Variants in NUBPL observed in about 807,000 individuals in gnomAD.
NUBPL encodes the protein NUBP iron-sulfur cluster assembly factor, mitochondrial.
In NUBPL, 31 loss-of-function variants were observed where a neutral mutation model predicts 45.7. The observed-to-expected ratio is 0.68, with a 90% CI of 0.51 to 0.92. The LOEUF (loss-of-function observed/expected upper bound fraction) is 0.92. Among genes scored for constraint, NUBPL ranks in the 40% least tolerant of loss-of-function variants. The pLI, the probability that NUBPL is intolerant of heterozygous loss-of-function variation, is 0.00. For missense variants in NUBPL, 401 were observed against 398.7 expected, an observed-to-expected ratio of 1.01 and a Z score of -0.05; for synonymous variants, 144 against 140.9, an observed-to-expected ratio of 1.02 and a Z score of -0.15.
At chr14:31,783,012 T>A (rs1394330967) in intron 6 of NUBPL, among the ~76,000 whole-genome samples, 1 of 152,142 alleles carries the variant, frequency 6.6e-6, no homozygotes, top group Non-Finnish European at 1.5e-5. Context: ...ACCAAACCAA[T>A]TGGGTCAGTT....
At chr14:31,851,202 T>G (rs2040532519) in intron 10 of NUBPL, among the ~76,000 whole-genome samples, 1 of 151,954 alleles carries the variant, frequency 6.6e-6, no homozygotes, top group South Asian at 2.1e-4. Flanking sequence ...GTTCCTTTGT[T>G]GAACAGCCCC....
chr14:31,566,298 A>T (rs191609047), intron 3 of NUBPL, among the ~76,000 whole-genome samples: 3 of 152,270 alleles, frequency 2.0e-5, no homozygotes, highest in Non-Finnish European at 4.4e-5. Context: ...ATTGGAAACT[A>T]ATAAACAAGA....
chr14:31,640,237 G>A (rs771839865), intron 4 of NUBPL, among the ~76,000 whole-genome samples: 2 of 151,958 alleles, frequency 1.3e-5, no homozygotes, highest in Non-Finnish European at 2.9e-5. Flanking sequence ...GCTGCCCTCC[G>A]ACAAAATCAG....
chr14:31,709,760 C>G (rs1346951802), intron 6 of NUBPL, among the ~76,000 whole-genome samples: 2 of 152,162 alleles, frequency 1.3e-5, no homozygotes, highest in African/African-American at 4.8e-5. Flanking sequence ...TTCCCCTCCC[C>G]CTACAGCTTG....
chr14:31,604,459 G>A (rs4981862), intron 4 of NUBPL, among the ~76,000 whole-genome samples: 151,693 of 152,326 alleles, frequency 1, 75,534 homozygotes, highest in Middle Eastern at 1. Context: ...ACTATGAAAG[G>A]CTTGTTTCCA....
rs562507359 is a variant in NUBPL at position 31,784,159 on chromosome 14, G to T, written c.514-3621G>T. 1.7e-4 allele frequency among the ~76,000 whole-genome samples: 26 copies of T among 152,240 alleles called. No individual in the cohort carries two copies. In the South Asian group the frequency reaches 5.4e-3, roughly 32 times the overall value. ...CTCTGAAGTTAAAAGTTAAGGTCTT[G>T]CATATAGGAAGAAAACAAAGAAATT... On this transcript the variant is annotated intron_variant, in intron 6 of 10. Transcript: ENST00000281081.
At chr14:31,697,992 G>A (rs1219767823) in intron 6 of NUBPL, among the ~76,000 whole-genome samples, 2 of 152,210 alleles carry the variant, frequency 1.3e-5, no homozygotes, top group Non-Finnish European at 2.9e-5. Flanking sequence ...TCCCAAGCAG[G>A]CGATGAGAAG....
At chr14:31,639,549 G>A (rs970028146) in intron 4 of NUBPL, among the ~76,000 whole-genome samples, 1 of 152,202 alleles carries the variant, frequency 6.6e-6, no homozygotes, top group African/African-American at 2.4e-5. Context: ...ACCCACTTGA[G>A]GAGGCAGTCT....
intron 8 of NUBPL, among the ~76,000 whole-genome samples, chr14:31,839,494 C>A (rs1170396408): frequency 2.6e-5 from 4 of 152,058 alleles, no homozygotes; most frequent in Non-Finnish European, 5.9e-5. Flanking sequence ...CATGTAAGAC[C>A]TGAAACTATG....
chr14:31,638,583 C>G (rs1387316618), intron 4 of NUBPL, among the ~76,000 whole-genome samples: 13 of 152,030 alleles, frequency 8.6e-5, no homozygotes, highest in Non-Finnish European at 4.4e-5. Context: ...TTGCTCTTCT[C>G]GAGGAGTATC....
At chr14:31,623,803 AC>A (rs2035133368) in intron 4 of NUBPL, among the ~76,000 whole-genome samples, 1 of 152,200 alleles carries the variant, frequency 6.6e-6, no homozygotes, top group Non-Finnish European at 1.5e-5. Flanking sequence ...TAAAAGTTGC[AC>A]AATGTAAGCT....
intron 6 of NUBPL, among the ~76,000 whole-genome samples, chr14:31,750,374 T>A (rs1021199544): frequency 8.7e-5 from 13 of 149,556 alleles, no homozygotes; most frequent in East Asian, 3.9e-4. Flanking sequence ...TTATTTTTTT[T>A]ATTTTTTTTT....
chr14:31,652,231 G>A (rs991662237), intron 4 of NUBPL, among the ~76,000 whole-genome samples: 7 of 118,096 alleles, frequency 5.9e-5, no homozygotes, highest in Non-Finnish European at 1.3e-4. Flanking sequence ...ACTTATGTGC[G>A]GAATCTAAAA....
intron 6 of NUBPL, among the ~76,000 whole-genome samples, chr14:31,721,764 C>G (rs900050244): frequency 3.9e-5 from 6 of 152,032 alleles, no homozygotes; most frequent in African/African-American, 1.2e-4. Flanking sequence ...TCTCCCTCCC[C>G]CCATTCTCCA....
At chr14:31,831,023 G>A (rs919316898) in intron 8 of NUBPL, among the ~76,000 whole-genome samples, 3 of 150,912 alleles carry the variant, frequency 2.0e-5, no homozygotes, top group Non-Finnish European at 4.4e-5. Flanking sequence ...TCAGGGAGAG[G>A]TGCCCTAATC....
chr14:31,636,834 G>A (rs888498225), intron 4 of NUBPL, among the ~76,000 whole-genome samples: 1 of 152,066 alleles, frequency 6.6e-6, no homozygotes, highest in African/African-American at 2.4e-5. Flanking sequence ...TGTATGTGTC[G>A]AGGAATTTAT....
intron 4 of NUBPL, among the ~76,000 whole-genome samples, chr14:31,639,265 G>T (rs1300149946): frequency 1.3e-5 from 2 of 152,096 alleles, no homozygotes; most frequent in Admixed American, 6.5e-5. Context: ...TGGGTTTTTG[G>T]TGCGGATGTC....
At chr14:31,605,163 G>A (rs1348804795) in intron 4 of NUBPL, among the ~76,000 whole-genome samples, 4 of 152,116 alleles carry the variant, frequency 2.6e-5, no homozygotes, top group East Asian at 1.9e-4. Context: ...TCATATTATA[G>A]TATAGCCAAA....
Position 31,850,516 on chromosome 14 carries a change from T to G in NUBPL, c.897+315T>G, listed in dbSNP as rs999973132. Among the ~76,000 whole-genome samples the G allele has an allele frequency of 2.6e-5, 4 of 152,216 alleles. 1 individual carries two copies. Among genetic ancestry groups the G allele is most frequent in the Admixed American group, 2.6e-4 (4 of 15,284 alleles). On this transcript the variant is annotated intron_variant, in intron 10 of 10. Transcript: ENST00000281081. ...AATATCTAACTGCCCAAGATTATTA[T>G]ATTTCAGTATTAGAAGTTCAACTGA...
Sources: allele counts gnomAD v4.1 joint callset (sites outside exome capture counted in the v4.1 genomes callset), GRCh38; gene constraint gnomAD v4.1.1; transcripts MANE v1.5; gene names NCBI Gene and HGNC (gene_info 2026-07-23, HGNC 2026-07-21).